HHAT: variants seen among roughly 807,000 people sequenced by gnomAD.
The protein encoded by HHAT is hedgehog acyltransferase.
A neutral mutation model predicts 70.8 loss-of-function variants in HHAT; 47 were observed. That is an observed-to-expected ratio of 0.66 (90% CI 0.53 to 0.85). The LOEUF (loss-of-function observed/expected upper bound fraction) is 0.85, where lower values mean the gene tolerates loss of function less well. Among genes scored for constraint, HHAT ranks in the 40% least tolerant of loss-of-function variants. The pLI, the probability that HHAT is intolerant of heterozygous loss-of-function variation, is 0.00. For missense variants in HHAT, 609 were observed against 604.8 expected (o/e 1.01, Z -0.07); for synonymous variants, 228 against 247.6 (o/e 0.92, Z 0.74).
rs573415132 is a variant in HHAT at position 210,431,835 on chromosome 1, T to A, written c.856+13510T>A. 2.6e-5 allele frequency among the ~76,000 whole-genome samples: 4 copies of A among 151,998 alleles called. No individual in the cohort carries two copies. The East Asian group carries it at 5.8e-4, about 22-fold the overall frequency. On this transcript the variant is annotated intron_variant, in intron 7 of 11. Coordinates refer to ENST00000261458, the MANE Select transcript of HHAT (RefSeq NM_018194.6). ...AGCCAGTACTTTGTATTAGAGCAAC[T>A]ACTTCTGAATACAAAGTAGCAGTGT...
At chr1:210,585,038 T>C (rs974736520) in intron 9 of HHAT, among the ~76,000 whole-genome samples, 3 of 152,254 alleles carry the variant, frequency 2.0e-5, no homozygotes, top group Non-Finnish European at 2.9e-5. Flanking sequence ...GCTTTACTTA[T>C]TTCTGAAACT....
intron 9 of HHAT, among the ~76,000 whole-genome samples, chr1:210,573,889 A>G (rs1656979838): frequency 6.6e-6 from 1 of 152,240 alleles, no homozygotes; most frequent in African/African-American, 2.4e-5. Flanking sequence ...GTGACAGTCA[A>G]AAGAAGAGGC....
chr1:210,404,984 G>A (rs562587227), intron 6 of HHAT, among the ~76,000 whole-genome samples: 2 of 152,174 alleles, frequency 1.3e-5, no homozygotes, highest in African/African-American at 2.4e-5. Context: ...TATCCACTGT[G>A]GCAAAGTCCC....
chr1:210,504,156 G>A lies in HHAT; in HGVS notation c.1008-8997G>A, dbSNP rs189495502. 2.8e-4 allele frequency among the ~76,000 whole-genome samples: 42 copies of A among 152,298 alleles called. No homozygotes were observed. The East Asian group carries it at 7.5e-3, about 27-fold the overall frequency. Reference sequence around the variant, plus strand: ...ACTTGTTTCCAGAATACTTACAAGGGTAGGAACTTTTCTTGTTCATTGCTG... The same window carrying A: ...ACTTGTTTCCAGAATACTTACAAGGATAGGAACTTTTCTTGTTCATTGCTG... On this transcript the variant is annotated intron_variant, in intron 8 of 11. Coordinates refer to ENST00000261458, the MANE Select transcript of HHAT (RefSeq NM_018194.6).
At chr1:210,596,387 A>G (rs888169304) in intron 10 of HHAT, among the ~76,000 whole-genome samples, 3 of 152,118 alleles carry the variant, frequency 2.0e-5, no homozygotes, top group Non-Finnish European at 4.4e-5. Context: ...GTTCTCTGAT[A>G]TTATCTCTTT....
At chr1:210,647,243 A>G (rs1372811895) in intron 11 of HHAT, among the ~76,000 whole-genome samples, 1 of 152,172 alleles carries the variant, frequency 6.6e-6, no homozygotes, top group African/African-American at 2.4e-5. Flanking sequence ...TGAGGACACC[A>G]GTCTTAATTA....
intron 2 of HHAT, among the ~76,000 whole-genome samples, chr1:210,349,652 CTTT>C (rs34752131): frequency 7.4e-6 from 1 of 135,900 alleles, no homozygotes; most frequent in Non-Finnish European, 1.6e-5. Flanking sequence ...CTACCTAAAA[CTTT>C]TTTTTTTTTT....
chr1:210,510,495 G>A (rs935119606), intron 8 of HHAT, among the ~76,000 whole-genome samples: 1 of 152,174 alleles, frequency 6.6e-6, no homozygotes, highest in African/African-American at 2.4e-5. Context: ...GGAGAAGCAG[G>A]TGGGCTTCCC....
At chr1:210,465,890 A>G (rs570451270) in intron 8 of HHAT, among the ~76,000 whole-genome samples, 5 of 151,648 alleles carry the variant, frequency 3.3e-5, no homozygotes, top group Non-Finnish European at 7.4e-5. Flanking sequence ...AGGAATTGCA[A>G]GGAATGAATT....
intron 3 of HHAT, among the ~76,000 whole-genome samples, chr1:210,383,068 G>A (rs966290364): frequency 2.0e-5 from 3 of 152,088 alleles, no homozygotes; most frequent in African/African-American, 7.2e-5. Context: ...GGCCGGGCAC[G>A]GTGGCTTATG....
intron 7 of HHAT, among the ~76,000 whole-genome samples, chr1:210,435,526 GT>G (rs1287202031): frequency 6.6e-6 from 1 of 151,582 alleles, no homozygotes; most frequent in African/African-American, 2.4e-5. Context: ...TTCTATTTTT[GT>G]TTTTTGGGGG....
chr1:210,604,385 C>T (rs1353753684), intron 10 of HHAT, among the ~76,000 whole-genome samples: 2 of 151,964 alleles, frequency 1.3e-5, no homozygotes, highest in Non-Finnish European at 2.9e-5. Flanking sequence ...TGCGCCCAGC[C>T]TAAAATAGTT....
chr1:210,674,587 A>T lies in HHAT; in HGVS notation c.*208A>T. ...GGAGTCTTTGAGATCTTCTACCCCAACTCATCATTTTCCTATTGAGGAAAC... is the reference window on the plus strand; with the variant it reads ...GGAGTCTTTGAGATCTTCTACCCCATCTCATCATTTTCCTATTGAGGAAAC... On this transcript the variant is annotated 3_prime_UTR_variant, in exon 12 of 12. Coordinates refer to ENST00000261458, the MANE Select transcript of HHAT (RefSeq NM_018194.6). 1.9e-6 allele frequency: 1 copy of T among 534,578 alleles called. No individual in the cohort carries two copies. The highest frequency in any genetic ancestry group is 3.3e-6 in the Non-Finnish European group (1 of 300,978). The allele number at this position is 534,578 out of a possible 1,614,324, so 33.1% of individuals were successfully genotyped here.
chr1:210,405,931 C>T (rs777787477), intron 6 of HHAT, among the ~76,000 whole-genome samples: 60 of 152,196 alleles, frequency 3.9e-4, no homozygotes, highest in Non-Finnish European at 6.9e-4. Context: ...GGCAGCTGAT[C>T]TTCTAACTCA....
At chr1:210,590,405 A>G (rs551418247) in intron 10 of HHAT, 19 of 152,088 alleles carry the variant, frequency 1.2e-4, no homozygotes, top group Non-Finnish European at 2.2e-4. Flanking sequence ...CCAGAGAAAC[A>G]GATCAATAGG....
rs1405315378 is a variant in HHAT, at chr1:210,565,640, C to G, written c.1044-22258C>G. Among the ~76,000 whole-genome samples the G allele has an allele frequency of 3.3e-5, 5 of 152,058 alleles. No individual in the cohort carries two copies. In the East Asian group the frequency reaches 9.6e-4, roughly 29 times the overall value. On this transcript the variant is annotated intron_variant, in intron 9 of 11. Coordinates refer to ENST00000261458, the MANE Select transcript of HHAT (RefSeq NM_018194.6). The stretch of plus-strand genomic sequence containing the variant: ...GAATCACAAAGAATGGACAAAGAAG[C>G]TGAGAATCTGTAGCAGGCAAAAGCA...
At chr1:210,645,629 C>T (rs765379603) in intron 11 of HHAT, among the ~76,000 whole-genome samples, 3 of 152,190 alleles carry the variant, frequency 2.0e-5, no homozygotes, top group South Asian at 2.1e-4. Flanking sequence ...TGGTTGGGTT[C>T]GCACTGCGAG....
chr1:210,465,148 T>G (rs1012033339), intron 8 of HHAT, among the ~76,000 whole-genome samples: 3 of 152,208 alleles, frequency 2.0e-5, no homozygotes, highest in African/African-American at 7.2e-5. Context: ...TTTTGAAGAT[T>G]AAATAACCTA....
intron 9 of HHAT, among the ~76,000 whole-genome samples, chr1:210,561,685 T>C (rs960047625): frequency 1.3e-5 from 2 of 152,260 alleles, no homozygotes; most frequent in Admixed American, 6.5e-5. Context: ...TATATATTTA[T>C]GGGGTATAAT....
Sources: gnomAD v4.1 joint callset for allele counts (sites outside exome capture counted in the v4.1 genomes callset) on GRCh38, gnomAD v4.1.1 for gene constraint, MANE v1.5 for transcripts, NCBI Gene and HGNC (gene_info 2026-07-23, HGNC 2026-07-21) for gene names.